Variants in PXDNL observed in about 807,000 individuals in gnomAD.
PXDNL encodes the protein probable oxidoreductase PXDNL.
PXDNL carries 145 observed loss-of-function variants against 150.8 expected under a neutral mutation model. That is an observed-to-expected ratio of 0.96 (90% CI 0.84 to 1.10). PXDNL has a LOEUF of 1.10. Among genes scored for constraint, PXDNL ranks in the 50% least tolerant of loss-of-function variants. The pLI is 0.00. For missense variants in PXDNL, 2,087 were observed against 1,873.9 expected, an observed-to-expected ratio of 1.11 and a Z score of -2.10; for synonymous variants, 757 against 725.7, an observed-to-expected ratio of 1.04 and a Z score of -0.69.
intron 1 of PXDNL, among the ~76,000 whole-genome samples, chr8:51,668,980 T>TA (rs1815443846): frequency 6.6e-6 from 1 of 152,066 alleles, no homozygotes; most frequent in South Asian, 2.1e-4. Context: ...TTGGAGAAAA[T>TA]AAATATTAAT....
intron 1 of PXDNL, among the ~76,000 whole-genome samples, chr8:51,748,464 G>C (rs1358347397): frequency 1.3e-5 from 2 of 152,160 alleles, no homozygotes; most frequent in African/African-American, 4.8e-5. Context: ...TGGGTGGGCA[G>C]AAAGGCAGGT....
At chr8:51,352,688 C>T (rs527907025) in intron 19 of PXDNL, among the ~76,000 whole-genome samples, 11 of 152,160 alleles carry the variant, frequency 7.2e-5, no homozygotes, top group Non-Finnish European at 1.2e-4. Flanking sequence ...CAGAAACCCT[C>T]TTTTATTTGT....
intron 6 of PXDNL, among the ~76,000 whole-genome samples, chr8:51,481,958 G>A (rs896338070): frequency 6.6e-6 from 1 of 152,196 alleles, no homozygotes; most frequent in Admixed American, 6.5e-5. Flanking sequence ...TGGGGTTGGA[G>A]CCCCCAGACA....
intron 14 of PXDNL, among the ~76,000 whole-genome samples, chr8:51,421,014 T>A (rs1215478253): frequency 6.6e-6 from 1 of 152,238 alleles, no homozygotes; most frequent in African/African-American, 2.4e-5. Context: ...AATATGTATG[T>A]ATAATTACAA....
intron 2 of PXDNL, among the ~76,000 whole-genome samples, chr8:51,624,228 C>G (rs1211455812): frequency 1.3e-5 from 2 of 152,030 alleles, no homozygotes; most frequent in Non-Finnish European, 2.9e-5. Flanking sequence ...ACCCCAGATA[C>G]TGGGGAGCCA....
At chr8:51,573,743 A>T (rs1014249844) in intron 3 of PXDNL, among the ~76,000 whole-genome samples, 5 of 151,864 alleles carry the variant, frequency 3.3e-5, no homozygotes, top group African/African-American at 1.2e-4. Flanking sequence ...AAGATCCAGG[A>T]TCTCCTCTCC....
At chr8:51,500,605 A>G (rs1563440507) in intron 4 of PXDNL, among the ~76,000 whole-genome samples, 3 of 152,246 alleles carry the variant, frequency 2.0e-5, no homozygotes, top group Non-Finnish European at 4.4e-5. Flanking sequence ...TTCTGAACAC[A>G]GCTTTTTCAA....
intron 21 of PXDNL, among the ~76,000 whole-genome samples, chr8:51,321,469 C>G (rs1203349975): frequency 1.3e-5 from 2 of 152,032 alleles, no homozygotes; most frequent in African/African-American, 4.8e-5. Context: ...TGTCCCCACC[C>G]AATCTCATGT....
At chr8:51,419,728 T>C (rs772331100) in intron 14 of PXDNL, among the ~76,000 whole-genome samples, 16 of 152,208 alleles carry the variant, frequency 1.1e-4, no homozygotes, top group South Asian at 2.1e-4. Flanking sequence ...TAAGTTATTA[T>C]TAAATATTTT....
chr8:51,469,889 T>G (rs866176847), intron 8 of PXDNL, among the ~76,000 whole-genome samples: 2 of 152,126 alleles, frequency 1.3e-5, no homozygotes, highest in South Asian at 4.1e-4. Flanking sequence ...ATAAAATGAT[T>G]AACATTTTGA....
chr8:51,326,371 A>G (rs7813377), intron 21 of PXDNL, among the ~76,000 whole-genome samples: 66,188 of 151,882 alleles, frequency 0.44, 18,137 homozygotes, highest in African/African-American at 0.79. Flanking sequence ...GGTGGCAGGC[A>G]CCTGTAATCT....
chr8:51,732,603 C>T (rs185456747), intron 1 of PXDNL, among the ~76,000 whole-genome samples: 1 of 152,164 alleles, frequency 6.6e-6, no homozygotes, highest in African/African-American at 2.4e-5. Flanking sequence ...TCTGTTCTCA[C>T]CCTGCTAATA....
intron 16 of PXDNL, 132 bp from the exon 17 acceptor site, chr8:51,409,693 A>G: frequency 1.6e-6 from 1 of 610,490 alleles, no homozygotes; most frequent in Non-Finnish European, 2.6e-6. Context: ...TCTTACTTCC[A>G]AAAACATTTC....
chr8:51,807,540 T>C (rs999504779), intron 1 of PXDNL, among the ~76,000 whole-genome samples: 1 of 152,154 alleles, frequency 6.6e-6, no homozygotes, highest in Non-Finnish European at 1.5e-5. Flanking sequence ...TTTTTACAGA[T>C]TAGGAAACTG....
intron 19 of PXDNL, among the ~76,000 whole-genome samples, chr8:51,368,168 C>A (rs118005277): frequency 0.011 from 1,655 of 151,998 alleles, 14 homozygotes; most frequent in Non-Finnish European, 0.018. Flanking sequence ...TGGTGGATAA[C>A]AAAATTCTTC....
At chr8:51,501,632 ACT>A (rs1485561024) in intron 4 of PXDNL, among the ~76,000 whole-genome samples, 15 of 151,984 alleles carry the variant, frequency 9.9e-5, no homozygotes, top group Non-Finnish European at 2.2e-4. Flanking sequence ...TCACACTCAC[ACT>A]GTCTCATGTA....
intron 1 of PXDNL, among the ~76,000 whole-genome samples, chr8:51,731,965 G>T (rs1217813704): frequency 1.3e-5 from 2 of 152,188 alleles, no homozygotes; most frequent in African/African-American, 4.8e-5. Context: ...ATGTTCTGAA[G>T]ATATTTTCCC....
At chr8:51,331,520 A>G (rs776338021) in intron 21 of PXDNL, among the ~76,000 whole-genome samples, 4 of 152,200 alleles carry the variant, frequency 2.6e-5, no homozygotes, top group South Asian at 2.1e-4. Flanking sequence ...GCTTACAGAC[A>G]TCACAGGCAG....
At chr8:51,395,158 C>T (rs1808041711) in intron 17 of PXDNL, among the ~76,000 whole-genome samples, 1 of 152,210 alleles carries the variant, frequency 6.6e-6, no homozygotes, top group East Asian at 1.9e-4. Flanking sequence ...AGAGGGCCTG[C>T]AGGGTATTCA....
Sources: gnomAD v4.1 joint callset for allele counts (sites outside exome capture counted in the v4.1 genomes callset) on GRCh38, gnomAD v4.1.1 for gene constraint, MANE v1.5 for transcripts, NCBI Gene and HGNC (gene_info 2026-07-23, HGNC 2026-07-21) for gene names.